Variants in OXR1 observed in about 807,000 individuals in gnomAD.
OXR1 encodes oxidation resistance 1.
OXR1 carries 41 observed loss-of-function variants against 104.6 expected under a neutral mutation model. The observed-to-expected ratio is 0.39, with a 90% CI of 0.31 to 0.51. The LOEUF (loss-of-function observed/expected upper bound fraction) is 0.51. Among genes scored for constraint, OXR1 ranks in the 20% least tolerant of loss-of-function variants. OXR1 has a pLI of 0.77. For missense variants in OXR1, 955 were observed against 1,031.9 expected (o/e 0.93, Z 1.02); for synonymous variants, 348 against 348.4 (o/e 1.00, Z 0.01).
chr8:106,447,947 C>T (rs1820087167), intron 2 of OXR1: 3 of 1,534,706 alleles, frequency 2.0e-6, no homozygotes, highest in South Asian at 1.2e-5. Context: ...GTACGGGGCT[C>T]ACAGGTAACA....
chr8:106,438,336 T>C (rs1423201289), intron 2 of OXR1, among the ~76,000 whole-genome samples: 3 of 152,142 alleles, frequency 2.0e-5, no homozygotes, highest in East Asian at 3.8e-4. Flanking sequence ...CTAGTTTGTA[T>C]TGACATATGC....
intron 2 of OXR1, among the ~76,000 whole-genome samples, chr8:106,451,176 G>GC (rs1221839353): frequency 6.6e-6 from 1 of 152,128 alleles, no homozygotes; most frequent in Non-Finnish European, 1.5e-5. Context: ...GGACAAGAAG[G>GC]CCGTCACCTG....
At chr8:106,498,219 C>T (rs900525491) in intron 2 of OXR1, among the ~76,000 whole-genome samples, 2 of 152,154 alleles carry the variant, frequency 1.3e-5, no homozygotes, top group African/African-American at 4.8e-5. Context: ...ATTGCATGAA[C>T]ATCAAGTATC....
intron 2 of OXR1, among the ~76,000 whole-genome samples, chr8:106,469,926 A>G (rs1821393518): frequency 6.6e-6 from 1 of 151,804 alleles, no homozygotes; most frequent in African/African-American, 2.4e-5. Flanking sequence ...GCATGAATGA[A>G]AGACACAAAT....
chr8:106,639,310 C>T (rs997540533), intron 3 of OXR1, among the ~76,000 whole-genome samples: 1 of 152,236 alleles, frequency 6.6e-6, no homozygotes, highest in Non-Finnish European at 1.5e-5. Flanking sequence ...ACTGCAGGTG[C>T]TTCCATAAAT....
intron 1 of OXR1, among the ~76,000 whole-genome samples, chr8:106,294,031 A>T (rs562823265): frequency 1.0e-4 from 11 of 108,470 alleles, no homozygotes; most frequent in Admixed American, 3.4e-4. Context: ...ATTTTTTTTT[A>T]AAAAGTCAAT....
chr8:106,321,724 G>T (rs922393327), intron 1 of OXR1, among the ~76,000 whole-genome samples: 3 of 152,140 alleles, frequency 2.0e-5, no homozygotes, highest in Non-Finnish European at 4.4e-5. Context: ...AATTGCTTTT[G>T]CTTCCCTTCA....
chr8:106,700,028 T>C (rs2131342684), intron 7 of OXR1, among the ~76,000 whole-genome samples: 2 of 152,290 alleles, frequency 1.3e-5, no homozygotes, highest in East Asian at 3.9e-4. Context: ...AATTTTTCTT[T>C]TGCAGATAGA....
chr8:106,751,569 A>G lies in OXR1; in HGVS notation c.*628A>G, dbSNP rs571146353. ...GTGAGGAGAATTCTGGTTGTAATAG[A>G]TGACAGTACATATGATCTGCAGGTT... On this transcript the variant is annotated 3_prime_UTR_variant, in exon 17 of 17. Transcript: ENST00000517566. 2 of 152,724 alleles carry G rather than the reference A, an allele frequency of 1.3e-5. No individual in the cohort carries two copies. The highest frequency in any genetic ancestry group is 4.8e-5 in the African/African-American group (2 of 41,572). 9.5% of individuals were successfully genotyped at this position (152,724 alleles called of 1,614,324 possible). A position where few individuals can be genotyped will look rare whatever the true frequency, so the allele number is the denominator to read the frequency against.
intron 3 of OXR1, among the ~76,000 whole-genome samples, chr8:106,536,440 A>G (rs1051603440): frequency 2.0e-5 from 3 of 152,038 alleles, no homozygotes; most frequent in African/African-American, 4.8e-5. Flanking sequence ...ACACATGGTC[A>G]TTGCCAAGCA....
chr8:106,467,387 C>T (rs1471645518), intron 2 of OXR1, among the ~76,000 whole-genome samples: 2 of 151,788 alleles, frequency 1.3e-5, no homozygotes, highest in Non-Finnish European at 2.9e-5. Flanking sequence ...CATCGGGTCT[C>T]AAAGTTGCTT....
intron 1 of OXR1, among the ~76,000 whole-genome samples, chr8:106,339,510 AAAAAAAAAAATATATATATAT>A (rs1815119775): frequency 1.0e-4 from 5 of 48,224 alleles, no homozygotes; most frequent in African/African-American, 3.8e-4. Context: ...AAAAAAAAAA[AAAAAAAAAAATATATATATAT>A]ATATATATAT....
intron 3 of OXR1, among the ~76,000 whole-genome samples, chr8:106,619,864 A>T (rs1821553550): frequency 6.6e-6 from 1 of 152,002 alleles, no homozygotes; most frequent in Non-Finnish European, 1.5e-5. Context: ...GTTCAATTAG[A>T]TCCCTCTTCC....
At chr8:106,447,496 G>T (rs1820058642) in intron 2 of OXR1, among the ~76,000 whole-genome samples, 1 of 152,116 alleles carries the variant, frequency 6.6e-6, no homozygotes, top group African/African-American at 2.4e-5. Context: ...TATTCTGATC[G>T]ATGGAAATAC....
intron 1 of OXR1, among the ~76,000 whole-genome samples, chr8:106,296,586 G>A (rs1382145380): frequency 2.0e-5 from 3 of 152,166 alleles, no homozygotes; most frequent in Non-Finnish European, 4.4e-5. Flanking sequence ...CCCATATTGA[G>A]TTCTGGTTTT....
intron 2 of OXR1, among the ~76,000 whole-genome samples, chr8:106,492,233 AT>A (rs1231463913): frequency 2.6e-5 from 4 of 152,188 alleles, no homozygotes; most frequent in Non-Finnish European, 5.9e-5. Context: ...TCTGACTGCT[AT>A]TTAACTCATC....
chr8:106,666,621 G>T (rs916078526), intron 3 of OXR1, among the ~76,000 whole-genome samples: 2 of 152,158 alleles, frequency 1.3e-5, no homozygotes, highest in Non-Finnish European at 2.9e-5. Context: ...GTAGAGTAAG[G>T]ATAGATGGAT....
chr8:106,398,134 A>G (rs112574734), intron 2 of OXR1, among the ~76,000 whole-genome samples: 20 of 152,104 alleles, frequency 1.3e-4, no homozygotes, highest in Non-Finnish European at 2.9e-5. Flanking sequence ...ACTAATTTTA[A>G]CTTGGTTCCC....
intron 2 of OXR1, among the ~76,000 whole-genome samples, chr8:106,384,135 A>G (rs1339154630): frequency 6.6e-6 from 1 of 152,220 alleles, no homozygotes; most frequent in East Asian, 1.9e-4. Flanking sequence ...GTCTATAAAA[A>G]GTAAATAAAA....
Sources: allele counts gnomAD v4.1 joint callset (sites outside exome capture counted in the v4.1 genomes callset), GRCh38; gene constraint gnomAD v4.1.1; transcripts MANE v1.5; gene names NCBI Gene and HGNC (gene_info 2026-07-23, HGNC 2026-07-21).